REV3L: variants seen among roughly 807,000 people sequenced by gnomAD.
The protein encoded by REV3L is REV3 like, DNA directed polymerase zeta catalytic subunit, also known as DNA polymerase zeta catalytic subunit.
Under a neutral mutation model 299.4 loss-of-function variants are expected in REV3L, and 69 were observed. That is an observed-to-expected ratio of 0.23 (90% CI 0.19 to 0.28). The LOEUF (loss-of-function observed/expected upper bound fraction) is 0.28, where lower values mean the gene tolerates loss of function less well. Ranked by LOEUF, REV3L falls within the 10% of genes least tolerant of loss-of-function variation. The probability of loss-of-function intolerance (pLI) is 1.00; values close to 1 mark genes in which losing one functional copy is unlikely to be tolerated. For missense variants in REV3L, 3,128 were observed against 3,693.8 expected (o/e 0.85, Z 3.97); for synonymous variants, 1,238 against 1,271.4 (o/e 0.97, Z 0.56).
In REV3L at chr6:111,387,768, T is replaced by G. The variant is rs765915032; in HGVS notation, c.1093A>C (p.Lys365Gln). ...VEVHKDKESS[K>Q]GHTRHKVEEA... is the part of the protein sequence containing the mutation. ...ATACATGAAAAGAAAATCTTACCTTTGCTTGACTCTTTGTCTTTGTGAACT... is the reference window on the plus strand; with the variant it reads ...ATACATGAAAAGAAAATCTTACCTTGGCTTGACTCTTTGTCTTTGTGAACT... The change falls in exon 9 of 32, where the codon AAA becomes CAA. Residue 365 changes from lysine to glutamine, a missense_variant. This residue lies in a region of REV3L where 2,409 missense variants were observed against 2,611.8 expected (regional missense o/e 0.92). Coordinates refer to ENST00000368802, the MANE Select transcript of REV3L (RefSeq NM_001372078.1). 3.1e-6 allele frequency: 5 copies of G among 1,613,644 alleles called. No individual in the cohort carries two copies. The South Asian group carries it at 5.5e-5, about 18-fold the overall frequency.
chr6:111,313,838 T>C (rs903452659), intron 27 of REV3L, among the ~76,000 whole-genome samples: 1 of 152,232 alleles, frequency 6.6e-6, no homozygotes, highest in Admixed American at 6.5e-5. Context: ...CTTTTCCAAT[T>C]CCATACATGC....
rs758686545 is a variant in REV3L, at chr6:111,311,134, G to A, written c.8730C>T (p.Ala2910=). 13 of 1,613,854 alleles carry A rather than the reference G, an allele frequency of 8.1e-6. No individual in the cohort carries two copies. The highest frequency in any genetic ancestry group is 2.7e-5 in the African/African-American group (2 of 74,910). The change falls in exon 29 of 32, where the codon GCC becomes GCT. Residue 2910 remains alanine, a synonymous_variant. Transcript: ENST00000368802. ...GKASIQDFIF[A]KEYRGSFSYK... ...AAGAAAAACTTCCTCTGTATTCCTT[G>A]GCAAAGATAAAGTCTTGTATGCTGG...
In REV3L at chr6:111,313,478, G is replaced by A. The variant is rs751814748; in HGVS notation, c.8478C>T (p.Pro2826=). 40 of 1,607,176 alleles carry A rather than the reference G, an allele frequency of 2.5e-5. No individual in the cohort carries two copies. The highest frequency in any genetic ancestry group is 3.2e-5 in the Non-Finnish European group (38 of 1,177,670). ...VKLKFEKVYL[P]CVLQTKKRYV... ...ACCTCTTTTTTGTTTGTAAAACACA[G>A]GGCAAATATACCTGTGGTAAAATTA... is the stretch of plus-strand genomic sequence containing the variant. The change falls in exon 28 of 32, where the codon CCC becomes CCT. Residue 2826 remains proline (P), a synonymous_variant. Coordinates refer to ENST00000368802, the MANE Select transcript of REV3L (RefSeq NM_001372078.1).
rs1302696885 is a variant in REV3L at position 111,309,849 on chromosome 6, T to C, written c.9042+4A>G. 1.9e-6 allele frequency: 3 copies of C among 1,612,972 alleles called. No homozygotes were observed. Among genetic ancestry groups the C allele is most frequent in the Non-Finnish European group, 2.5e-6 (3 of 1,179,432 alleles). ...AGAGCACATGTACTATTTGGTAAGC[T>C]TACCCTTGGTAATTCATGATACCAG... On this transcript the variant is annotated splice_donor_region_variant and intron_variant, in intron 30 of 31. Coordinates refer to ENST00000368802, the MANE Select transcript of REV3L (RefSeq NM_001372078.1).
intron 1 of REV3L, among the ~76,000 whole-genome samples, chr6:111,444,499 T>C (rs545894428): frequency 6.6e-6 from 1 of 152,044 alleles, no homozygotes; most frequent in African/African-American, 2.4e-5. Context: ...GTATCCAGAA[T>C]ATATAAAGAA....
At position 111,379,996 on chromosome 6, in the gene REV3L, A is replaced by G. The variant is rs778350761; in HGVS notation, c.1440T>C (p.His480=). 87 of 1,609,666 alleles carry G rather than the reference A, an allele frequency of 5.4e-5. No individual in the cohort carries two copies. The highest frequency in any genetic ancestry group is 6.3e-5 in the Non-Finnish European group (74 of 1,177,088). The change falls in exon 11 of 32, where the codon CAT becomes CAC. Residue 480 remains histidine, a synonymous_variant. Transcript: ENST00000368802. The stretch of plus-strand genomic sequence containing the variant: ...TAAAAAATTACCTCTTTTTGGCACA[A>G]TGTTCTTCAATATTGCTGTCCCATC... ...SQRWDSNIEE[H]CAKKRSLCRN... is the part of the protein sequence containing the mutation.
intron 2 of REV3L, 48 bp downstream of exon 2, chr6:111,416,235 G>C: frequency 7.7e-7 from 1 of 1,302,488 alleles, no homozygotes; most frequent in Non-Finnish European, 1.0e-6. Flanking sequence ...CCTCTAAATA[G>C]AATAGCAACA....
chr6:111,311,664 A>C (rs756588443), intron 28 of REV3L: 3 of 153,282 alleles, frequency 2.0e-5, no homozygotes, highest in Non-Finnish European at 2.9e-5. Flanking sequence ...AAACACAGAG[A>C]AGTTTAAAGA....
At chr6:111,422,619 T>TATATACAC (rs1785579515) in intron 1 of REV3L, among the ~76,000 whole-genome samples, 1 of 28,952 alleles carries the variant, frequency 3.5e-5, no homozygotes, top group African/African-American at 7.8e-5. Flanking sequence ...TATACACATA[T>TATATACAC]ATATATATAT....
At chr6:111,468,820 G>A (rs1001924041) in intron 1 of REV3L, among the ~76,000 whole-genome samples, 2 of 152,106 alleles carry the variant, frequency 1.3e-5, no homozygotes, top group African/African-American at 4.8e-5. Flanking sequence ...TACTTTTATA[G>A]AATTCTGTTT....
intron 24 of REV3L, chr6:111,330,340 A>G (rs1261613219): frequency 2.2e-6 from 1 of 448,308 alleles, no homozygotes; most frequent in East Asian, 7.0e-5. Context: ...TAGTGAGGTG[A>G]TAAAATTTGT....
intron 1 of REV3L, among the ~76,000 whole-genome samples, chr6:111,464,599 G>A (rs1227618035): frequency 6.6e-6 from 1 of 151,916 alleles, no homozygotes; most frequent in African/African-American, 2.4e-5. Flanking sequence ...AGATATAAAT[G>A]GAACTCTTAA....
At chr6:111,459,701 C>CA (rs1398502294) in intron 1 of REV3L, among the ~76,000 whole-genome samples, 2 of 151,880 alleles carry the variant, frequency 1.3e-5, no homozygotes, top group Non-Finnish European at 2.9e-5. Flanking sequence ...AAATGCAAAT[C>CA]AAAATCACAA....
At chr6:111,307,849 A>G (rs1246548419) in intron 30 of REV3L, 8 of 371,354 alleles carry the variant, frequency 2.2e-5, no homozygotes, top group Non-Finnish European at 3.5e-5. Context: ...GGTTTGTTAC[A>G]TATGTATACA....
chr6:111,421,842 T>A (rs1349738772), intron 1 of REV3L, among the ~76,000 whole-genome samples: 2 of 152,202 alleles, frequency 1.3e-5, no homozygotes, highest in African/African-American at 4.8e-5. Context: ...ATTTTCTTCT[T>A]CCTGGAACAT....
chr6:111,301,370 T>C (rs1465914954), intron 31 of REV3L, among the ~76,000 whole-genome samples: 1 of 152,174 alleles, frequency 6.6e-6, no homozygotes, highest in Admixed American at 6.5e-5. Flanking sequence ...CTTTGAAGCA[T>C]GTGACCCACT....
At chr6:111,409,492 A>G (rs896482129) in intron 3 of REV3L, among the ~76,000 whole-genome samples, 3 of 152,174 alleles carry the variant, frequency 2.0e-5, no homozygotes, top group Non-Finnish European at 4.4e-5. Flanking sequence ...AAGGAAAATC[A>G]GTATAATCTT....
chr6:111,431,977 A>T (rs982112481), intron 1 of REV3L, among the ~76,000 whole-genome samples: 4 of 151,844 alleles, frequency 2.6e-5, no homozygotes, highest in South Asian at 2.1e-4. Flanking sequence ...GAGGGTTTTT[A>T]AAAAAAATTT....
rs1337428550 is a variant in REV3L, at chr6:111,375,305, A to C, written c.3050T>G (p.Leu1017Arg). The C allele has an allele frequency of 2.5e-6, 4 of 1,589,688 alleles. No homozygotes were observed. The highest frequency in any genetic ancestry group is 3.4e-6 in the Non-Finnish European group (4 of 1,174,290). The change falls in exon 13 of 32, where the codon CTT (leucine) becomes CGT (arginine). Residue 1017 changes from leucine (L) to arginine (R), a missense_variant. This residue lies in a region of REV3L where 2,409 missense variants were observed against 2,611.8 expected (regional missense o/e 0.92). Transcript: ENST00000368802. Reference protein sequence around the residue: ...TEEKMELYKKLAPLKDFWPKV... With the variant: ...TEEKMELYKKRAPLKDFWPKV... ...TGGCCAAAAGTCCTTCAAAGGTGCAAGCTTTTTATATAGTTCCATTTTTTC... is the reference window on the plus strand; with the variant it reads ...TGGCCAAAAGTCCTTCAAAGGTGCACGCTTTTTATATAGTTCCATTTTTTC...
Sources: allele counts gnomAD v4.1 joint callset (sites outside exome capture counted in the v4.1 genomes callset), GRCh38; gene constraint gnomAD v4.1.1; regional missense constraint gnomAD v4.1.1; transcripts MANE v1.5; gene names NCBI Gene and HGNC (gene_info 2026-07-23, HGNC 2026-07-21).